Variants in KCNN2 observed in about 807,000 individuals in gnomAD.
The protein encoded by KCNN2 is potassium calcium-activated channel subfamily N member 2, also known as small conductance calcium-activated potassium channel protein 2.
In KCNN2, 24 loss-of-function variants were observed where a neutral mutation model predicts 55.5. That is an observed-to-expected ratio of 0.43 (90% CI 0.31 to 0.61). KCNN2 has a LOEUF of 0.61. Among genes scored for constraint, KCNN2 ranks in the 20% least tolerant of loss-of-function variants. The pLI is 0.08. For missense variants in KCNN2, 754 were observed against 853.6 expected (o/e 0.88, Z 1.45); for synonymous variants, 431 against 336.1 (o/e 1.28, Z -3.09).
At chr5:114,471,932 T>C (rs533398873) in intron 4 of KCNN2, among the ~76,000 whole-genome samples, 1 of 152,292 alleles carries the variant, frequency 6.6e-6, no homozygotes, top group South Asian at 2.1e-4. Context: ...GATTCTTTGG[T>C]CTATAACTGA....
chr5:114,431,118 C>A (rs866736518), intron 3 of KCNN2, among the ~76,000 whole-genome samples: 6 of 151,872 alleles, frequency 4.0e-5, no homozygotes, highest in African/African-American at 1.2e-4. Flanking sequence ...TAGAAACTTA[C>A]CCCCCCATCC....
intron 1 of KCNN2, among the ~76,000 whole-genome samples, chr5:114,162,418 G>A (rs1752807676): frequency 6.6e-6 from 1 of 152,200 alleles, no homozygotes; most frequent in Admixed American, 6.5e-5. Flanking sequence ...CCCTACTGGG[G>A]GGTGCCTCCC....
intron 3 of KCNN2, among the ~76,000 whole-genome samples, chr5:114,420,587 A>G (rs1363729899): frequency 6.6e-6 from 1 of 152,222 alleles, no homozygotes; most frequent in African/African-American, 2.4e-5. Context: ...TCTCTTAAGC[A>G]ATACTACCTT....
chr5:114,177,278 C>T (rs555025803), intron 1 of KCNN2, among the ~76,000 whole-genome samples: 1 of 152,008 alleles, frequency 6.6e-6, no homozygotes, highest in Non-Finnish European at 1.5e-5. Context: ...GCTGGGACTA[C>T]AGGAGCCCGC....
intron 3 of KCNN2, among the ~76,000 whole-genome samples, chr5:114,408,852 G>A (rs531844379): frequency 4.6e-5 from 7 of 152,236 alleles, no homozygotes; most frequent in African/African-American, 1.7e-4. Context: ...TGCCACATTC[G>A]CTTAGCAGCC....
intron 4 of KCNN2, among the ~76,000 whole-genome samples, chr5:114,468,494 A>AT (rs926693130): frequency 3.3e-5 from 5 of 151,886 alleles, no homozygotes; most frequent in African/African-American, 1.2e-4. Flanking sequence ...TAAAAGCGTG[A>AT]TTTTTTTTCA....
At chr5:114,132,599 A>G (rs915237952) in intron 1 of KCNN2, among the ~76,000 whole-genome samples, 2 of 152,212 alleles carry the variant, frequency 1.3e-5, no homozygotes, top group Non-Finnish European at 2.9e-5. Flanking sequence ...AACATCTAAC[A>G]TCTTGGTTTT....
chr5:114,495,347 T>A (rs755107256), intron 7 of KCNN2, among the ~76,000 whole-genome samples: 1 of 152,188 alleles, frequency 6.6e-6, no homozygotes, highest in Non-Finnish European at 1.5e-5. Context: ...TAACAAACAA[T>A]CTTTAGGAAT....
intron 1 of KCNN2, among the ~76,000 whole-genome samples, chr5:114,166,625 A>T (rs1037763467): frequency 6.6e-6 from 1 of 152,136 alleles, no homozygotes; most frequent in Non-Finnish European, 1.5e-5. Context: ...TTCTCTTGGG[A>T]GGCTTTCTTC....
intron 2 of KCNN2, among the ~76,000 whole-genome samples, chr5:114,256,829 T>C (rs1392898272): frequency 6.6e-6 from 1 of 152,086 alleles, no homozygotes; most frequent in Non-Finnish European, 1.5e-5. Flanking sequence ...GTGCACTCTG[T>C]TTATTATTTC....
At chr5:114,303,228 G>A (rs933058631) in intron 2 of KCNN2, among the ~76,000 whole-genome samples, 7 of 152,114 alleles carry the variant, frequency 4.6e-5, no homozygotes, top group South Asian at 2.1e-4. Flanking sequence ...TCTACTTCGC[G>A]TTTTATATGT....
At chr5:114,184,651 A>G (rs2095971429) in intron 1 of KCNN2, among the ~76,000 whole-genome samples, 1 of 152,222 alleles carries the variant, frequency 6.6e-6, no homozygotes, top group Non-Finnish European at 1.5e-5. Context: ...TTAAGTCAGA[A>G]TAACAAACTA....
At chr5:114,089,137 T>C (rs1048105189) in intron 1 of KCNN2, among the ~76,000 whole-genome samples, 4 of 152,212 alleles carry the variant, frequency 2.6e-5, no homozygotes, top group Non-Finnish European at 5.9e-5. Context: ...TCTTGTAACT[T>C]TTTATTGAAT....
chr5:114,062,666 GGT>G (rs980382591), intron 1 of KCNN2, among the ~76,000 whole-genome samples: 1 of 152,084 alleles, frequency 6.6e-6, no homozygotes. Context: ...TCTCAATTAC[GGT>G]GTGTGTGTTT....
chr5:114,159,646 G>T (rs1224098071), intron 1 of KCNN2, among the ~76,000 whole-genome samples: 1 of 152,044 alleles, frequency 6.6e-6, no homozygotes, highest in Non-Finnish European at 1.5e-5. Context: ...ACTTTTTTTG[G>T]TTGGTAAGCT....
At chr5:114,351,652 A>AGT (rs761115334) in intron 2 of KCNN2, among the ~76,000 whole-genome samples, 1 of 151,624 alleles carries the variant, frequency 6.6e-6, no homozygotes, top group East Asian at 1.9e-4. Flanking sequence ...TACTTTGTTG[A>AGT]GTGTGTTTAT....
chr5:114,271,571 A>T (rs1353101688), intron 2 of KCNN2, among the ~76,000 whole-genome samples: 1 of 152,182 alleles, frequency 6.6e-6, no homozygotes, highest in Non-Finnish European at 1.5e-5. Context: ...TCCACAGGGA[A>T]GTTTAACCTG....
At chr5:114,258,034 A>T (rs1298288166) in intron 2 of KCNN2, among the ~76,000 whole-genome samples, 1 of 152,028 alleles carries the variant, frequency 6.6e-6, no homozygotes, top group African/African-American at 2.4e-5. Context: ...TAGTTTGTTG[A>T]GGGTTTTTTA....
chr5:114,419,161 G>A (rs1311607186), intron 3 of KCNN2, among the ~76,000 whole-genome samples: 1 of 152,228 alleles, frequency 6.6e-6, no homozygotes, highest in Non-Finnish European at 1.5e-5. Flanking sequence ...TTCTTTATTA[G>A]TGTGGTACAC....
Sources: allele counts gnomAD v4.1 joint callset (sites outside exome capture counted in the v4.1 genomes callset), GRCh38; gene constraint gnomAD v4.1.1; transcripts MANE v1.5; gene names NCBI Gene and HGNC (gene_info 2026-07-23, HGNC 2026-07-21).